NDST4: variants seen among roughly 807,000 people sequenced by gnomAD.
The protein encoded by NDST4 is N-deacetylase and N-sulfotransferase 4, also known as N-heparan sulfate sulfotransferase 4.
A neutral mutation model predicts 100.8 loss-of-function variants in NDST4; 63 were observed. The observed-to-expected ratio is 0.62, with a 90% CI of 0.51 to 0.77. NDST4 has a LOEUF of 0.77. Ranked by LOEUF, NDST4 falls within the 30% of genes least tolerant of loss-of-function variation. The probability of loss-of-function intolerance (pLI) is 0.00; values close to 1 mark genes in which losing one functional copy is unlikely to be tolerated. For missense variants in NDST4, 943 were observed against 1,018.4 expected (o/e 0.93, Z 1.01); for synonymous variants, 377 against 361.8 (o/e 1.04, Z -0.48).
intron 6 of NDST4, among the ~76,000 whole-genome samples, chr4:114,886,567 A>AGTTTGTGTG (rs1457840674): frequency 1.1e-4 from 16 of 152,132 alleles, no homozygotes; most frequent in African/African-American, 3.6e-4. Flanking sequence ...ATAACAAAAA[A>AGTTTGTGTG]GTTTGTGTGC....
intron 6 of NDST4, among the ~76,000 whole-genome samples, chr4:114,901,681 G>T (rs13128968): frequency 0.22 from 33,719 of 151,272 alleles, 5,272 homozygotes; most frequent in African/African-American, 0.45. Context: ...GTAATGCTTT[G>T]TGTTACCTAT....
chr4:114,992,134 C>G (rs1237505265), intron 2 of NDST4, among the ~76,000 whole-genome samples: 7 of 151,810 alleles, frequency 4.6e-5, no homozygotes, highest in Admixed American at 4.6e-4. Flanking sequence ...TTATTATTAG[C>G]TGAAGTACAT....
intron 1 of NDST4, among the ~76,000 whole-genome samples, chr4:115,100,980 T>C (rs1019329412): frequency 6.9e-6 from 1 of 144,718 alleles, no homozygotes; most frequent in Non-Finnish European, 1.5e-5. Flanking sequence ...ATATGAATTA[T>C]TTTTGTCCCA....
At chr4:114,946,735 G>A (rs1474244514) in intron 4 of NDST4, among the ~76,000 whole-genome samples, 6 of 152,120 alleles carry the variant, frequency 3.9e-5, no homozygotes, top group Non-Finnish European at 8.8e-5. Context: ...AGGGGGCACC[G>A]TTCACATTTA....
At chr4:114,867,665 C>CAAAAAAAAAAAAAAGAAAAAAA (rs1724061498) in intron 7 of NDST4, among the ~76,000 whole-genome samples, 1 of 79,900 alleles carries the variant, frequency 1.3e-5, no homozygotes, top group African/African-American at 4.9e-5. Flanking sequence ...AAAAAAAAAG[C>CAAAAAAAAAAAAAAGAAAAAAA]AAAAAAAAAA....
At position 114,870,773 on chromosome 4, in the gene NDST4, A is replaced by G. The variant is rs772184391; in HGVS notation, c.1714T>C (p.Trp572Arg). 2 of 1,607,548 alleles carry G rather than the reference A, an allele frequency of 1.2e-6. No individual in the cohort carries two copies. The highest frequency in any genetic ancestry group is 1.7e-6 in the Non-Finnish European group (2 of 1,177,422). ...GAGAGAATGTTAAATGTTACCTGCC[A>G]TAGAGGGTCTTTCTGCTCAGGGAAG... ...ELFPEQKDPL[W>R]QNPCDDKRHK... The change falls in exon 7 of 14, where the codon TGG becomes CGG. Residue 572 changes from tryptophan (W) to arginine (R), a missense_variant. Coordinates refer to ENST00000264363, the MANE Select transcript of NDST4 (RefSeq NM_022569.3).
chr4:114,913,274 AT>A (rs1326207484), intron 6 of NDST4, among the ~76,000 whole-genome samples: 2 of 152,008 alleles, frequency 1.3e-5, no homozygotes, highest in African/African-American at 4.8e-5. Context: ...GTGATTGCAA[AT>A]TTTGATAAGG....
At position 114,866,661 on chromosome 4, in the gene NDST4, A is replaced by G. The variant is rs58989801; in HGVS notation, c.1719+4107T>C. 6.9e-3 allele frequency among the ~76,000 whole-genome samples: 1,047 copies of G among 152,266 alleles called. 11 individuals are homozygous for G. The highest frequency in any genetic ancestry group is 0.023 in the African/African-American group (953 of 41,554). On this transcript the variant is annotated intron_variant, in intron 7 of 13. Coordinates refer to ENST00000264363, the MANE Select transcript of NDST4 (RefSeq NM_022569.3). ...AGTCTCATTCTTTAAGGTTTGCAGG[A>G]ATCAGTATATGACAAGCATAAGTGT...
intron 1 of NDST4, among the ~76,000 whole-genome samples, chr4:115,084,091 G>A (rs763519469): frequency 5.3e-5 from 8 of 152,116 alleles, no homozygotes; most frequent in Non-Finnish European, 1.0e-4. Context: ...GAGATTTGTC[G>A]AATAGCTTTG....
chr4:115,098,681 C>T (rs1002094657), intron 1 of NDST4, among the ~76,000 whole-genome samples: 1 of 151,908 alleles, frequency 6.6e-6, no homozygotes, highest in South Asian at 2.1e-4. Flanking sequence ...AAAATATTGT[C>T]GATTAATGTT....
chr4:114,987,045 A>G (rs1191507137), intron 2 of NDST4, among the ~76,000 whole-genome samples: 3 of 151,894 alleles, frequency 2.0e-5, no homozygotes, highest in Non-Finnish European at 2.9e-5. Flanking sequence ...ATAGAGTAAT[A>G]GTGACGTAGA....
chr4:114,905,349 A>G (rs1163763266), intron 6 of NDST4, among the ~76,000 whole-genome samples: 2 of 151,886 alleles, frequency 1.3e-5, no homozygotes, highest in African/African-American at 4.8e-5. Context: ...TGATATGTTA[A>G]TGGGGATTTC....
At chr4:114,986,832 A>ATATTTTTTTTTTT in intron 2 of NDST4, among the ~76,000 whole-genome samples, 2 of 94,664 alleles carry the variant, frequency 2.1e-5, no homozygotes, top group African/African-American at 7.4e-5. Flanking sequence ...ATATATATAT[A>ATATTTTTTTTTTT]TTTTAATATA....
rs996032303 is a variant in NDST4, at chr4:114,974,130, C to T, written c.1066+3057G>A. ...CTCCTAATAAAAGAGATATTATTAT[C>T]CCCATTTGGTAGATATATAAACTGA... On this transcript the variant is annotated intron_variant, in intron 3 of 13. Coordinates refer to ENST00000264363, the MANE Select transcript of NDST4 (RefSeq NM_022569.3). Among the ~76,000 whole-genome samples, 3 of 151,962 alleles carry T rather than the reference C, an allele frequency of 2.0e-5. No individual in the cohort carries two copies. The East Asian group carries it at 5.8e-4, about 29-fold the overall frequency.
At position 114,940,680 on chromosome 4, in the gene NDST4, G is replaced by A. The variant is rs150599306; in HGVS notation, c.1222-3177C>T. Reference sequence around the variant, plus strand: ...GGTCAGGTGACAGCCTTTTGCACCCGCCCTCTTGGTACCCAAGTTCTTGTC... The same window carrying A: ...GGTCAGGTGACAGCCTTTTGCACCCACCCTCTTGGTACCCAAGTTCTTGTC... On this transcript the variant is annotated intron_variant, in intron 4 of 13. Coordinates refer to ENST00000264363, the MANE Select transcript of NDST4 (RefSeq NM_022569.3). Among the ~76,000 whole-genome samples, 497 of 152,238 alleles carry A rather than the reference G, an allele frequency of 3.3e-3. 3 individuals carry two copies. Among genetic ancestry groups the A allele is most frequent in the African/African-American group, 0.011 (470 of 41,566 alleles).
intron 1 of NDST4, among the ~76,000 whole-genome samples, chr4:115,082,606 G>T (rs1484992486): frequency 6.6e-6 from 1 of 152,128 alleles, no homozygotes; most frequent in East Asian, 1.9e-4. Context: ...ACGTTTACCA[G>T]CATTTAATAA....
intron 4 of NDST4, among the ~76,000 whole-genome samples, chr4:114,940,813 C>T (rs528273089): frequency 2.6e-4 from 40 of 152,254 alleles, no homozygotes; most frequent in Middle Eastern, 3.4e-3. Flanking sequence ...GTCCTGCTGT[C>T]AAGCTGGCCC....
chr4:114,883,017 A>G (rs1375813646), intron 6 of NDST4, among the ~76,000 whole-genome samples: 1 of 152,092 alleles, frequency 6.6e-6, no homozygotes, highest in Admixed American at 6.6e-5. Context: ...TCAAAAGTGA[A>G]TGAGAAATAA....
In NDST4 at chr4:114,981,262, GAAGGAAGA is replaced by G. The variant is rs1430003976; in HGVS notation, c.979-3996_979-3989del. Among the ~76,000 whole-genome samples, 42 of 128,386 alleles carry G rather than the reference GAAGGAAGA, an allele frequency of 3.3e-4. 1 individual carries two copies. Among genetic ancestry groups the G allele is most frequent in the African/African-American group, 1.3e-3 (40 of 31,724 alleles). 84.2% of individuals were successfully genotyped at this position (128,386 alleles called of 152,430 possible). A position where few individuals can be genotyped will look rare whatever the true frequency, so the allele number is the denominator to read the frequency against. ...GGAAGGAAGGAAGGAAGGAAGGAAGGAAGGAAGAAAGCAGGAAAAAGAATGAGAGTCCA... is the reference window on the plus strand; with the variant it reads ...GGAAGGAAGGAAGGAAGGAAGGAAGGAAGCAGGAAAAAGAATGAGAGTCCA... On this transcript the variant is annotated intron_variant, in intron 2 of 13. Coordinates refer to ENST00000264363, the MANE Select transcript of NDST4 (RefSeq NM_022569.3).
Sources: allele counts gnomAD v4.1 joint callset (sites outside exome capture counted in the v4.1 genomes callset), GRCh38; gene constraint gnomAD v4.1.1; transcripts MANE v1.5; gene names NCBI Gene and HGNC (gene_info 2026-07-23, HGNC 2026-07-21).